ROBO2: variants seen among roughly 807,000 people sequenced by gnomAD.
ROBO2 encodes the protein roundabout homolog 2.
ROBO2 carries 53 observed loss-of-function variants against 160.8 expected under a neutral mutation model. The observed-to-expected ratio is 0.33, with a 90% CI of 0.26 to 0.41. ROBO2 has a LOEUF of 0.41. Among genes scored for constraint, ROBO2 ranks in the 10% least tolerant of loss-of-function variants. The probability of loss-of-function intolerance (pLI) is 1.00; values close to 1 mark genes in which losing one functional copy is unlikely to be tolerated. For missense variants in ROBO2, 1,577 were observed against 1,722.4 expected, an observed-to-expected ratio of 0.92 and a Z score of 1.49; for synonymous variants, 664 against 611.7, an observed-to-expected ratio of 1.09 and a Z score of -1.26.
intron 2 of ROBO2, among the ~76,000 whole-genome samples, chr3:77,395,846 G>T (rs2075228131): frequency 6.6e-6 from 1 of 151,792 alleles, no homozygotes; most frequent in Non-Finnish European, 1.5e-5. Context: ...ATAGCGTCTT[G>T]TATACTTCTT....
intron 2 of ROBO2, among the ~76,000 whole-genome samples, chr3:76,925,726 G>A (rs1258819619): frequency 6.6e-6 from 1 of 152,132 alleles, no homozygotes; most frequent in Non-Finnish European, 1.5e-5. Context: ...CCCAGCCCCA[G>A]AAAACCAAGC....
chr3:76,026,996 A>G (rs1343544309), intron 2 of ROBO2, among the ~76,000 whole-genome samples: 1 of 151,966 alleles, frequency 6.6e-6, no homozygotes, highest in African/African-American at 2.4e-5. Flanking sequence ...CTGCGCTGGG[A>G]CAATCCAACA....
intron 2 of ROBO2, among the ~76,000 whole-genome samples, chr3:75,959,509 T>G (rs1414724884): frequency 1.3e-5 from 2 of 151,726 alleles, no homozygotes; most frequent in African/African-American, 4.8e-5. Flanking sequence ...ACTTCACAAA[T>G]TAGCCCTTAG....
At chr3:77,295,176 A>G (rs568696953) in intron 2 of ROBO2, among the ~76,000 whole-genome samples, 1 of 150,432 alleles carries the variant, frequency 6.6e-6, no homozygotes, top group African/African-American at 2.5e-5. Flanking sequence ...AGCTGAGGCT[A>G]GATCACTAAA....
At chr3:77,566,780 T>C (rs1279062104) in intron 12 of ROBO2, among the ~76,000 whole-genome samples, 1 of 152,054 alleles carries the variant, frequency 6.6e-6, no homozygotes, top group Non-Finnish European at 1.5e-5. Flanking sequence ...TCTTAACAAA[T>C]ACTTAATAGG....
chr3:77,433,486 G>GTACACATATATATATATATATATA (rs1325507347), intron 2 of ROBO2, among the ~76,000 whole-genome samples: 1 of 99,402 alleles, frequency 1.0e-5, no homozygotes, highest in Non-Finnish European at 2.1e-5. Context: ...CTGGCAACTT[G>GTACACATATATATATATATATATA]TATATATATA....
rs190289282 is a variant in ROBO2 at position 77,304,986 on chromosome 3, G to A, written c.389-172428G>A. Reference sequence around the variant, plus strand: ...TACTGCATTACTTATTTCTCTTTGGGCTTTATTGTGACTGGTATTTAAAAC... The same window carrying A: ...TACTGCATTACTTATTTCTCTTTGGACTTTATTGTGACTGGTATTTAAAAC... On this transcript the variant is annotated intron_variant, in intron 2 of 25. Coordinates refer to ENST00000461745, the Ensembl canonical transcript of ROBO2. Among the ~76,000 whole-genome samples the A allele has an allele frequency of 3.0e-3, 450 of 152,204 alleles. 1 individual carries two copies. Among genetic ancestry groups the A allele is most frequent in the Non-Finnish European group, 5.0e-3 (342 of 68,020 alleles).
intron 2 of ROBO2, among the ~76,000 whole-genome samples, chr3:76,007,573 G>A (rs540408432): frequency 1.3e-3 from 198 of 152,188 alleles, no homozygotes; most frequent in Non-Finnish European, 1.9e-3. Flanking sequence ...AGATTAAATA[G>A]CCGGAAATGA....
chr3:76,266,063 C>G (rs1707083133), intron 2 of ROBO2, among the ~76,000 whole-genome samples: 2 of 152,082 alleles, frequency 1.3e-5, no homozygotes, highest in Admixed American at 6.6e-5. Flanking sequence ...GAAGGAAATA[C>G]AGAAGGATGT....
At chr3:77,001,587 G>A (rs924807448) in intron 2 of ROBO2, among the ~76,000 whole-genome samples, 9 of 152,198 alleles carry the variant, frequency 5.9e-5, no homozygotes, top group Middle Eastern at 3.4e-3. Flanking sequence ...GATGAAAATT[G>A]TAACTTCTCC....
At chr3:77,055,687 A>G (rs2065671940) in intron 1 of ROBO2, among the ~76,000 whole-genome samples, 1 of 152,204 alleles carries the variant, frequency 6.6e-6, no homozygotes, top group Non-Finnish European at 1.5e-5. Flanking sequence ...AATAAATGTA[A>G]CAAAACCACA....
At chr3:77,081,123 C>G (rs1480643044) in intron 1 of ROBO2, among the ~76,000 whole-genome samples, 1 of 152,122 alleles carries the variant, frequency 6.6e-6, no homozygotes, top group East Asian at 1.9e-4. Flanking sequence ...TTACAGGTTA[C>G]TGACACTATC....
At chr3:76,540,355 A>C (rs1010829729) in intron 2 of ROBO2, among the ~76,000 whole-genome samples, 2 of 152,200 alleles carry the variant, frequency 1.3e-5, no homozygotes, top group African/African-American at 4.8e-5. Context: ...TTTGAACTTA[A>C]TGCAATAGCT....
intron 2 of ROBO2, among the ~76,000 whole-genome samples, chr3:76,318,842 A>G (rs2107853713): frequency 6.6e-6 from 1 of 152,280 alleles, no homozygotes; most frequent in East Asian, 1.9e-4. Context: ...TTACTTGAAA[A>G]GGAATTAAAA....
chr3:76,899,912 G>A (rs1370110853), intron 2 of ROBO2, among the ~76,000 whole-genome samples: 12 of 152,144 alleles, frequency 7.9e-5, no homozygotes, highest in Non-Finnish European at 2.9e-5. Context: ...AATATTAAAG[G>A]GGAGTAATAT....
chr3:76,457,041 C>T (rs1028238362), intron 2 of ROBO2, among the ~76,000 whole-genome samples: 2 of 152,142 alleles, frequency 1.3e-5, no homozygotes, highest in African/African-American at 4.8e-5. Flanking sequence ...GGTGGAGACA[C>T]AGCCAAACCA....
chr3:76,607,228 C>T (rs964207749), intron 2 of ROBO2, among the ~76,000 whole-genome samples: 6 of 152,014 alleles, frequency 3.9e-5, no homozygotes, highest in Non-Finnish European at 5.9e-5. Flanking sequence ...CTTGCCTCAG[C>T]CTCCTGAGTA....
At chr3:77,229,253 A>G (rs2086863227) in intron 2 of ROBO2, among the ~76,000 whole-genome samples, 2 of 152,098 alleles carry the variant, frequency 1.3e-5, no homozygotes, top group African/African-American at 4.8e-5. Flanking sequence ...ACATCCCGAG[A>G]GTATTATTAC....
intron 2 of ROBO2, among the ~76,000 whole-genome samples, chr3:76,221,142 T>C (rs547959991): frequency 7.6e-4 from 115 of 152,234 alleles, no homozygotes; most frequent in Non-Finnish European, 1.5e-3. Flanking sequence ...CAATATTGAC[T>C]GTTTCTGTGG....
Sources: gnomAD v4.1 joint callset for allele counts (sites outside exome capture counted in the v4.1 genomes callset) on GRCh38, gnomAD v4.1.1 for gene constraint, MANE v1.5 for transcripts, NCBI Gene and HGNC (gene_info 2026-07-23, HGNC 2026-07-21) for gene names.